The following C8A variants were observed in gnomAD, a reference collection of about 807,000 sequenced individuals.
C8A encodes complement C8 alpha chain, also known as complement component C8 alpha chain.
Under a neutral mutation model 65.3 loss-of-function variants are expected in C8A, and 67 were observed. The observed-to-expected ratio is 1.03, with a 90% CI of 0.84 to 1.26. The LOEUF (loss-of-function observed/expected upper bound fraction) is 1.26, where lower values mean the gene tolerates loss of function less well. Ranked by LOEUF, C8A falls within the 50% of genes most tolerant of loss-of-function variation. The probability of loss-of-function intolerance (pLI) is 0.00; values close to 1 mark genes in which losing one functional copy is unlikely to be tolerated. For synonymous variants in C8A, 290 were observed against 259.4 expected (o/e 1.12, Z -1.13); for missense variants, 781 against 723.9 (o/e 1.08, Z -0.90).
At chr1:56,897,668 A>G (rs973241088) in intron 7 of C8A, among the ~76,000 whole-genome samples, 1 of 152,196 alleles carries the variant, frequency 6.6e-6, no homozygotes, top group African/African-American at 2.4e-5. Flanking sequence ...CATCACATTT[A>G]TATATCATGG....
chr1:56,915,778 C>T (rs967129127), intron 10 of C8A, among the ~76,000 whole-genome samples: 3 of 152,066 alleles, frequency 2.0e-5, no homozygotes, highest in Admixed American at 6.5e-5. Context: ...GGATTTGGAC[C>T]CGGGACCCAA....
chr1:56,865,401 G>A (rs1037139188), intron 1 of C8A, among the ~76,000 whole-genome samples: 1 of 152,200 alleles, frequency 6.6e-6, no homozygotes, highest in East Asian at 1.9e-4. Flanking sequence ...TTCTAGCTGT[G>A]TCCTCACGTG....
At chr1:56,885,350 A>G (rs1465975017) in intron 6 of C8A, among the ~76,000 whole-genome samples, 4 of 91,322 alleles carry the variant, frequency 4.4e-5, no homozygotes, top group South Asian at 3.5e-4. Context: ...ACATAAATAT[A>G]TATTTATGTA....
At chr1:56,896,213 T>C (rs1206952191) in intron 7 of C8A, among the ~76,000 whole-genome samples, 1 of 152,154 alleles carries the variant, frequency 6.6e-6, no homozygotes, top group East Asian at 1.9e-4. Context: ...ATTATTTATC[T>C]TTATATAAAA....
At chr1:56,886,405 A>G (rs562902456) in intron 7 of C8A, among the ~76,000 whole-genome samples, 2 of 152,182 alleles carry the variant, frequency 1.3e-5, no homozygotes, top group East Asian at 1.9e-4. Context: ...CTAAAACTAT[A>G]TGCTTCTTAT....
chr1:56,881,501 G>C lies in C8A; in HGVS notation c.521G>C (p.Gly174Ala). The C allele has an allele frequency of 3.1e-6, 5 of 1,613,802 alleles. No individual in the cohort carries two copies. The highest frequency in any genetic ancestry group is 4.2e-6 in the Non-Finnish European group (5 of 1,179,786). ...AQSVYDASYY[G>A]GQCETVYNGE... ...AGTGTGTACGATGCCAGTTATTATG[G>C]GGGCCAGTGTGAGACGGTATACAAT... is the stretch of plus-strand genomic sequence containing the variant. Residue 174 changes from glycine (G) to alanine (A), a missense_variant, in exon 5 of 11, where the codon GGG becomes GCG. Gly to Ala is a moderately conservative substitution (Grantham distance 60). Transcript: ENST00000361249.
intron 10 of C8A, among the ~76,000 whole-genome samples, chr1:56,915,264 T>C (rs1644541744): frequency 1.3e-5 from 2 of 151,986 alleles, no homozygotes; most frequent in African/African-American, 4.8e-5. Context: ...CTGAAAGAGG[T>C]AAGCCAAGAG....
Position 56,876,067 on chromosome 1 carries a change from T to A in C8A, c.322T>A (p.Cys108Ser). ...QDFQCKETGR[C>S]LKRHLVCNGD... ...CCACAGTCTCTTCTCTCCAGGTCGC[T>A]GCCTGAAACGCCACCTTGTGTGTAA... The change falls in exon 4 of 11, where the codon TGC (cysteine) becomes AGC (serine). Residue 108 changes from cysteine to serine, a missense_variant. Transcript: ENST00000361249. 6.2e-7 allele frequency: 1 copy of A among 1,613,574 alleles called. No homozygotes were observed.
At position 56,876,270 on chromosome 1, in the gene C8A, T is replaced by C. The variant is rs539188281; in HGVS notation, c.464+61T>C. ...AATGATTTGTCTTCAATCGTGAGCA[T>C]TAGTTTTGAGGACAGAAGGGGGCCA... On this transcript the variant is annotated intron_variant, in intron 4 of 10. Coordinates refer to ENST00000361249, the MANE Select transcript of C8A (RefSeq NM_000562.3). 6.8e-6 allele frequency: 11 copies of C among 1,607,200 alleles called. No homozygotes were observed. The South Asian group carries it at 1.2e-4, about 18-fold the overall frequency.
chr1:56,854,827 C>A lies in C8A; in HGVS notation c.-75C>A. ...GATCTTACAGGTCCCAGCCTGTAGACATCTTTTACTCCAATTTCCTGAATA... is the reference window on the plus strand; with the variant it reads ...GATCTTACAGGTCCCAGCCTGTAGAAATCTTTTACTCCAATTTCCTGAATA... On this transcript the variant is annotated 5_prime_UTR_variant, in exon 1 of 11. Coordinates refer to ENST00000361249, the MANE Select transcript of C8A (RefSeq NM_000562.3). The A allele has an allele frequency of 7.9e-7, 1 of 1,261,552 alleles. No homozygotes were observed. Among genetic ancestry groups the A allele is most frequent in the Non-Finnish European group, 1.1e-6 (1 of 874,496 alleles). The allele number at this position is 1,261,552 out of a possible 1,614,324, so 78.1% of individuals were successfully genotyped here. A position where few individuals can be genotyped will look rare whatever the true frequency, so the allele number is the denominator to read the frequency against.
chr1:56,856,611 C>G (rs1311548365), intron 1 of C8A, among the ~76,000 whole-genome samples: 1 of 152,040 alleles, frequency 6.6e-6, no homozygotes, highest in African/African-American at 2.4e-5. Context: ...TTCACATGAA[C>G]CCTAACATTG....
intron 9 of C8A, among the ~76,000 whole-genome samples, chr1:56,908,746 T>C (rs747348289): frequency 6.6e-6 from 1 of 152,136 alleles, no homozygotes; most frequent in Non-Finnish European, 1.5e-5. Flanking sequence ...GGAAACAGGC[T>C]CTGAAAAATC....
rs935460310 is a variant in C8A, at chr1:56,897,780, G to A, written c.1097-8887G>A. Among the ~76,000 whole-genome samples the A allele has an allele frequency of 5.3e-5, 8 of 152,114 alleles. No homozygotes were observed. In the East Asian group the frequency reaches 5.8e-4, roughly 11 times the overall value. ...AGGAAACAATCTCAGGGGAAAAACC[G>A]TATTCGTAATCTAATCTCCATTCAT... is the stretch of plus-strand genomic sequence containing the variant. On this transcript the variant is annotated intron_variant, in intron 7 of 10. Coordinates refer to ENST00000361249, the MANE Select transcript of C8A (RefSeq NM_000562.3).
At chr1:56,874,920 G>A in intron 2 of C8A, 29 bp from the exon 3 acceptor site, 1 of 1,612,820 alleles carries the variant, frequency 6.2e-7, no homozygotes, top group South Asian at 1.1e-5. Flanking sequence ...TGGTTGACAA[G>A]AATGTGTCTT....
At chr1:56,865,052 C>A (rs72670317) in intron 1 of C8A, among the ~76,000 whole-genome samples, 20,624 of 152,076 alleles carry the variant, frequency 0.14, 1,863 homozygotes, top group East Asian at 0.35. Context: ...GAAAGTCCTT[C>A]TAGAAACAGT....
chr1:56,858,203 G>A (rs575998762), intron 1 of C8A, among the ~76,000 whole-genome samples: 9 of 151,750 alleles, frequency 5.9e-5, no homozygotes, highest in Non-Finnish European at 1.2e-4. Context: ...TTTCTGTTTC[G>A]TTGGTCTTTA....
At chr1:56,883,223 C>CTGTG (rs3835681) in intron 5 of C8A, among the ~76,000 whole-genome samples, 32,261 of 150,182 alleles carry the variant, frequency 0.21, 4,003 homozygotes, top group East Asian at 0.45. Flanking sequence ...TCATCTGCAT[C>CTGTG]TGTGTGTGTG....
intron 1 of C8A, among the ~76,000 whole-genome samples, chr1:56,859,617 A>T (rs542236708): frequency 9.2e-5 from 14 of 152,294 alleles, no homozygotes; most frequent in Admixed American, 4.6e-4. Context: ...CACACAGTGG[A>T]TACTTTTTTG....
intron 1 of C8A, among the ~76,000 whole-genome samples, chr1:56,864,410 G>T (rs561810130): frequency 1.3e-5 from 2 of 152,042 alleles, no homozygotes; most frequent in Non-Finnish European, 2.9e-5. Flanking sequence ...TGAAAGGGAG[G>T]AAGCTTAGAT....
Sources: gnomAD v4.1 joint callset for allele counts (sites outside exome capture counted in the v4.1 genomes callset) on GRCh38, gnomAD v4.1.1 for gene constraint, MANE v1.5 for transcripts, NCBI Gene and HGNC (gene_info 2026-07-23, HGNC 2026-07-21) for gene names.